Variants in MBOAT2 observed in about 807,000 individuals in gnomAD.
MBOAT2 encodes membrane bound glycerophospholipid O-acyltransferase 2.
A neutral mutation model predicts 63.4 loss-of-function variants in MBOAT2; 28 were observed. The observed-to-expected ratio is 0.44, with a 90% CI of 0.33 to 0.61. The LOEUF (loss-of-function observed/expected upper bound fraction) is 0.61, where lower values mean the gene tolerates loss of function less well. MBOAT2 is among the 20% of genes least tolerant of loss of function. The probability of loss-of-function intolerance (pLI) is 0.03; values close to 1 mark genes in which losing one functional copy is unlikely to be tolerated. For missense variants in MBOAT2, 470 were observed against 605.8 expected, an observed-to-expected ratio of 0.78 and a Z score of 2.35; for synonymous variants, 211 against 215.6, an observed-to-expected ratio of 0.98 and a Z score of 0.19.
intron 2 of MBOAT2, among the ~76,000 whole-genome samples, chr2:8,949,272 C>A (rs753634841): frequency 2.0e-5 from 3 of 152,094 alleles, no homozygotes; most frequent in Non-Finnish European, 4.4e-5. Context: ...TATTTTCTCC[C>A]ATTCTGTAGG....
intron 4 of MBOAT2, among the ~76,000 whole-genome samples, chr2:8,898,180 C>T (rs1397060136): frequency 2.0e-5 from 3 of 152,132 alleles, no homozygotes; most frequent in African/African-American, 7.2e-5. Flanking sequence ...TTTGTCCTGT[C>T]GGAAGGCTTA....
At chr2:8,961,274 G>A (rs989856192) in intron 1 of MBOAT2, among the ~76,000 whole-genome samples, 27 of 152,174 alleles carry the variant, frequency 1.8e-4, no homozygotes, top group African/African-American at 3.6e-4. Flanking sequence ...ACTATCTTCC[G>A]CCTCTCAGTG....
At chr2:8,888,756 G>A (rs1443984393) in intron 4 of MBOAT2, among the ~76,000 whole-genome samples, 1 of 152,034 alleles carries the variant, frequency 6.6e-6, no homozygotes, top group Admixed American at 6.5e-5. Flanking sequence ...GGCTGGGCAC[G>A]GTGGCTCATG....
At chr2:8,919,666 A>T (rs897995472) in intron 3 of MBOAT2, among the ~76,000 whole-genome samples, 1 of 152,182 alleles carries the variant, frequency 6.6e-6, no homozygotes, top group African/African-American at 2.4e-5. Flanking sequence ...CCTGTGGCTT[A>T]TCTCTTCATT....
chr2:8,999,660 CTCTT>C (rs1026559565), intron 1 of MBOAT2, among the ~76,000 whole-genome samples: 3 of 152,174 alleles, frequency 2.0e-5, no homozygotes, highest in African/African-American at 4.8e-5. Context: ...CTTGGCACAG[CTCTT>C]TCTCAGTCCA....
intron 9 of MBOAT2, among the ~76,000 whole-genome samples, chr2:8,867,141 T>G (rs1463597515): frequency 6.6e-6 from 1 of 152,130 alleles, no homozygotes; most frequent in Admixed American, 6.6e-5. Context: ...TGCAGCCTGC[T>G]GAGTAGCTGG....
chr2:9,001,709 C>T (rs1672702042), intron 1 of MBOAT2, among the ~76,000 whole-genome samples: 1 of 152,196 alleles, frequency 6.6e-6, no homozygotes, highest in Non-Finnish European at 1.5e-5. Flanking sequence ...AAAGAACTTT[C>T]TCTGGATGCT....
Position 8,951,069 on chromosome 2 carries a change from A to G in MBOAT2, c.221+7428T>C, listed in dbSNP as rs149573226. ...TTTTGCATCTATGTTCGTCAGGGAT[A>G]TTGGCCTGTAGTTTTCTTTCTTTGT... is the stretch of plus-strand genomic sequence containing the variant. On this transcript the variant is annotated intron_variant, in intron 2 of 12. Coordinates refer to ENST00000305997, the MANE Select transcript of MBOAT2 (RefSeq NM_138799.4). Among the ~76,000 whole-genome samples the G allele has an allele frequency of 1.6e-3, 236 of 152,110 alleles. 3 individuals carry two copies. Among genetic ancestry groups the G allele is most frequent in the South Asian group, 4.2e-3 (20 of 4,818 alleles).
intron 8 of MBOAT2, among the ~76,000 whole-genome samples, chr2:8,869,710 C>T (rs1171086324): frequency 6.6e-6 from 1 of 152,128 alleles, no homozygotes; most frequent in East Asian, 1.9e-4. Flanking sequence ...TAAATATGAG[C>T]CTCTAAGGTA....
chr2:8,962,758 T>A (rs1033733621), intron 1 of MBOAT2, among the ~76,000 whole-genome samples: 1 of 151,864 alleles, frequency 6.6e-6, no homozygotes, highest in African/African-American at 2.4e-5. Context: ...AAATTTTATA[T>A]ATTGAATGGA....
At chr2:8,998,762 TC>T (rs1672483188) in intron 1 of MBOAT2, among the ~76,000 whole-genome samples, 2 of 152,280 alleles carry the variant, frequency 1.3e-5, no homozygotes, top group South Asian at 4.1e-4. Flanking sequence ...AGTGTCGACT[TC>T]AGGGACCTTC....
chr2:8,912,403 G>GAAAGAAAGAAAGAAAT (rs1665852795), intron 3 of MBOAT2, among the ~76,000 whole-genome samples: 1 of 150,418 alleles, frequency 6.6e-6, no homozygotes, highest in South Asian at 2.1e-4. Flanking sequence ...AAGAAAGAAA[G>GAAAGAAAGAAAGAAAT]AAAGAAAGAA....
chr2:8,858,888 G>A lies in MBOAT2; in HGVS notation c.1354C>T (p.Leu452=). The change falls in exon 13 of 13, where the codon CTG becomes TTG. Residue 452 remains leucine, a synonymous_variant. Transcript: ENST00000305997. ...AATACTAAGATACCAAGAATGTGCA[G>A]GCAATAATACCAGGAGCTAAAAGAA... The part of the protein sequence containing the change: ...LTFYSSWYYC[L]HILGILVLLL... 1 of 1,609,378 alleles carries A rather than the reference G, an allele frequency of 6.2e-7. No individual in the cohort carries two copies. The highest frequency in any genetic ancestry group is 1.1e-5 in the South Asian group (1 of 90,354).
At chr2:9,002,204 C>CTA (rs1292239738) in intron 1 of MBOAT2, among the ~76,000 whole-genome samples, 1 of 152,198 alleles carries the variant, frequency 6.6e-6, no homozygotes, top group African/African-American at 2.4e-5. Flanking sequence ...GCAAGACACC[C>CTA]ATTAGAACTC....
At chr2:8,962,968 C>G (rs185507732) in intron 1 of MBOAT2, among the ~76,000 whole-genome samples, 1 of 152,060 alleles carries the variant, frequency 6.6e-6, no homozygotes, top group Admixed American at 6.6e-5. Context: ...CAGGGCCGAG[C>G]GAGGTGGCTC....
intron 3 of MBOAT2, among the ~76,000 whole-genome samples, chr2:8,925,503 A>C (rs917856238): frequency 2.0e-5 from 3 of 152,256 alleles, no homozygotes; most frequent in African/African-American, 7.2e-5. Context: ...GTTGAGCAAA[A>C]GATGAGCTGT....
chr2:8,903,104 T>G (rs1665081842), intron 4 of MBOAT2, among the ~76,000 whole-genome samples: 1 of 152,066 alleles, frequency 6.6e-6, no homozygotes, highest in Non-Finnish European at 1.5e-5. Context: ...CCCACCCGAT[T>G]AGCTAGACAC....
chr2:8,975,952 C>A (rs1670785852), intron 1 of MBOAT2, among the ~76,000 whole-genome samples: 1 of 152,064 alleles, frequency 6.6e-6, no homozygotes, highest in African/African-American at 2.4e-5. Flanking sequence ...CTAATTCCAC[C>A]TACACCAAAT....
At chr2:8,954,435 G>T (rs1669063618) in intron 2 of MBOAT2, among the ~76,000 whole-genome samples, 1 of 152,132 alleles carries the variant, frequency 6.6e-6, no homozygotes, top group South Asian at 2.1e-4. Flanking sequence ...AACAGAGCAG[G>T]TTGGCCTACA....
Sources: gnomAD v4.1 joint callset for allele counts (sites outside exome capture counted in the v4.1 genomes callset) on GRCh38, gnomAD v4.1.1 for gene constraint, MANE v1.5 for transcripts, NCBI Gene and HGNC (gene_info 2026-07-23, HGNC 2026-07-21) for gene names.